NFASC: variants seen among roughly 807,000 people sequenced by gnomAD.
NFASC encodes neurofascin homolog.
A neutral mutation model predicts 147.5 loss-of-function variants in NFASC; 43 were observed. That is an observed-to-expected ratio of 0.29 (90% CI 0.23 to 0.38). The LOEUF (loss-of-function observed/expected upper bound fraction) is 0.38. NFASC is among the 10% of genes least tolerant of loss of function. The pLI, the probability that NFASC is intolerant of heterozygous loss-of-function variation, is 1.00. For missense variants in NFASC, 1,320 were observed against 1,689.0 expected (o/e 0.78, Z 3.83); for synonymous variants, 622 against 665.5 (o/e 0.93, Z 1.01).
intron 20 of NFASC, 78 bp from the exon 21 acceptor site, chr1:204,981,720 C>G: frequency 1.1e-6 from 1 of 949,254 alleles, no homozygotes; most frequent in Non-Finnish European, 1.6e-6. Context: ...ATGCCTGGCA[C>G]AGCAAGAGAG....
At chr1:204,988,875 G>C (rs1221111184) in intron 23 of NFASC, 69 bp downstream of exon 23, 1 of 1,457,006 alleles carries the variant, frequency 6.9e-7, no homozygotes, top group South Asian at 1.1e-5. Flanking sequence ...GAAACACTGA[G>C]ATCTGTAGCT....
intron 2 of NFASC, among the ~76,000 whole-genome samples, chr1:204,935,575 T>C (rs61819451): frequency 0.033 from 5,038 of 152,248 alleles, 231 homozygotes; most frequent in African/African-American, 0.1. Flanking sequence ...CTGACTGTCC[T>C]GGGCTGGGTG....
At chr1:204,974,398 G>T in intron 13 of NFASC, 108 bp downstream of exon 13, 1 of 898,536 alleles carries the variant, frequency 1.1e-6, no homozygotes, top group Non-Finnish European at 1.8e-6. Flanking sequence ...ATCTTAAAGG[G>T]TCAAAGCTGG....
intron 24 of NFASC, chr1:204,993,631 G>A (rs2095788277): frequency 2.6e-6 from 1 of 385,090 alleles, no homozygotes; most frequent in Non-Finnish European, 5.4e-6. Context: ...GCCCACTCAG[G>A]ATCCCCCCTT....
chr1:204,894,566 C>T (rs1432234571), intron 1 of NFASC, among the ~76,000 whole-genome samples: 2 of 152,186 alleles, frequency 1.3e-5, no homozygotes, highest in Non-Finnish European at 2.9e-5. Context: ...CTTGTTGGCC[C>T]TCTGTTATTC....
chr1:204,923,973 A>C (rs538040525), intron 2 of NFASC, among the ~76,000 whole-genome samples: 3 of 152,216 alleles, frequency 2.0e-5, no homozygotes, highest in African/African-American at 7.2e-5. Flanking sequence ...GTGAGTTTCT[A>C]ATAAGAGGAC....
At chr1:204,839,377 ACACACACACACAC>A (rs1674637830) in intron 1 of NFASC, among the ~76,000 whole-genome samples, 1 of 80,420 alleles carries the variant, frequency 1.2e-5, no homozygotes, top group Admixed American at 1.6e-4. Context: ...AAACACACAC[ACACACACACACAC>A]ACACACACAC....
rs746119536 is a variant in NFASC, at chr1:204,981,940, A to G, written c.2390A>G (p.Tyr797Cys). ...VVGQTPVYVP[Y>C]EIRVQAENDF... ...GGGCAGACCCCAGTCTACGTGCCCT[A>G]TGAGATCCGAGTCCAGGCTGAAAAT... The change falls in exon 21 of 30, where the codon TAT (tyrosine) becomes TGT (cysteine). Residue 797 changes from tyrosine to cysteine, a missense_variant. Physicochemically the swap from Tyr to Cys is radical, Grantham distance 194. Around this residue, in one of 3 missense-constraint regions of NFASC, gnomAD observed 981 missense variants for 1,289.5 expected, o/e 0.76. Coordinates refer to ENST00000339876, the MANE Select transcript of NFASC (RefSeq NM_001005388.3). 4.4e-6 allele frequency: 7 copies of G among 1,608,426 alleles called. No homozygotes were observed. Among genetic ancestry groups the G allele is most frequent in the Non-Finnish European group, 5.1e-6 (6 of 1,177,522 alleles).
intron 8 of NFASC, among the ~76,000 whole-genome samples, chr1:204,964,571 A>C (rs970854009): frequency 1.3e-5 from 2 of 152,218 alleles, no homozygotes; most frequent in African/African-American, 4.8e-5. Context: ...GGTTAAACTT[A>C]CAGGAGAAAT....
At chr1:204,998,677 C>T (rs1468101664) in intron 25 of NFASC, 2 of 152,170 alleles carry the variant, frequency 1.3e-5, no homozygotes, top group African/African-American at 4.8e-5. Flanking sequence ...AAGCTGCCAC[C>T]AGCGGGTTGG....
At chr1:204,880,086 C>A (rs201715852) in intron 1 of NFASC, among the ~76,000 whole-genome samples, 1 of 152,114 alleles carries the variant, frequency 6.6e-6, no homozygotes. Flanking sequence ...ATCTCAGTAG[C>A]AGGGGGAGTG....
intron 2 of NFASC, among the ~76,000 whole-genome samples, chr1:204,937,609 T>G (rs1223046470): frequency 1.3e-5 from 2 of 152,318 alleles, no homozygotes; most frequent in African/African-American, 4.8e-5. Context: ...TTCCTTCATG[T>G]CTTTCCATGG....
At chr1:204,851,147 C>A (rs1352420464) in intron 1 of NFASC, among the ~76,000 whole-genome samples, 6 of 152,202 alleles carry the variant, frequency 3.9e-5, no homozygotes, top group African/African-American at 1.4e-4. Flanking sequence ...GAAAGCTTCT[C>A]TTTTTTAGAA....
intron 28 of NFASC, among the ~76,000 whole-genome samples, chr1:205,012,084 G>A (rs1318310591): frequency 5.9e-5 from 9 of 152,228 alleles, no homozygotes; most frequent in Admixed American, 3.3e-4. Context: ...AGGTTTTCAT[G>A]TAAGTGCCCG....
intron 12 of NFASC, among the ~76,000 whole-genome samples, chr1:204,973,873 G>C (rs2150336620): frequency 6.6e-6 from 1 of 152,320 alleles, no homozygotes; most frequent in East Asian, 1.9e-4. Context: ...GATGGTGGTG[G>C]AGGGGTAGCT....
At chr1:204,896,495 TGGTAGAAGGAAGAA>T (rs1000509421) in intron 1 of NFASC, among the ~76,000 whole-genome samples, 2 of 152,172 alleles carry the variant, frequency 1.3e-5, no homozygotes, top group African/African-American at 2.4e-5. Context: ...AAGTAGGAAT[TGGTAGAAGGAAGAA>T]GGTAGAAGGA....
chr1:204,944,463 G>GGT, intron 3 of NFASC, 57 bp downstream of exon 3: 1 of 708,416 alleles, frequency 1.4e-6, no homozygotes, highest in Non-Finnish European at 2.3e-6. Context: ...AGAGGGGTGG[G>GGT]AGGGGAGGGA....
chr1:204,970,570 T>G, intron 10 of NFASC, 46 bp from the exon 11 acceptor site: 1 of 1,611,300 alleles, frequency 6.2e-7, no homozygotes, highest in Non-Finnish European at 8.5e-7. Context: ...CTTCTGCCTG[T>G]CCCATGCCAT....
chr1:204,969,735 T>C (rs1325616382), intron 10 of NFASC, among the ~76,000 whole-genome samples: 1 of 152,070 alleles, frequency 6.6e-6, no homozygotes, highest in Non-Finnish European at 1.5e-5. Flanking sequence ...AAATCCACAT[T>C]TCCACATATT....
Sources: gnomAD v4.1 joint callset for allele counts (sites outside exome capture counted in the v4.1 genomes callset) on GRCh38, gnomAD v4.1.1 for gene constraint, gnomAD v4.1.1 regional missense constraint, MANE v1.5 for transcripts, NCBI Gene and HGNC (gene_info 2026-07-23, HGNC 2026-07-21) for gene names.